The following ASAP1 variants were observed in gnomAD, a reference collection of about 807,000 sequenced individuals.
ASAP1 encodes ArfGAP with SH3 domain, ankyrin repeat and PH domain 1.
ASAP1 carries 43 observed loss-of-function variants against 145.2 expected under a neutral mutation model. The observed-to-expected ratio is 0.30, with a 90% CI of 0.23 to 0.38. ASAP1 has a LOEUF of 0.38. Among genes scored for constraint, ASAP1 ranks in the 10% least tolerant of loss-of-function variants. The pLI is 1.00. For missense variants in ASAP1, 1,018 were observed against 1,355.3 expected, an observed-to-expected ratio of 0.75 and a Z score of 3.91; for synonymous variants, 546 against 515.5, an observed-to-expected ratio of 1.06 and a Z score of -0.80.
intron 13 of ASAP1, among the ~76,000 whole-genome samples, chr8:130,138,753 T>C (rs1347179244): frequency 6.6e-6 from 1 of 150,862 alleles, no homozygotes; most frequent in Non-Finnish European, 1.5e-5. Flanking sequence ...GGAGAATCGC[T>C]TGAACTTGGG....
chr8:130,327,329 T>C (rs2137741609), intron 3 of ASAP1, among the ~76,000 whole-genome samples: 1 of 152,324 alleles, frequency 6.6e-6, no homozygotes, highest in African/African-American at 2.4e-5. Context: ...AAGCTGCTGC[T>C]GTTATTCCCT....
chr8:130,130,151 G>C (rs1291262205), intron 15 of ASAP1, among the ~76,000 whole-genome samples: 1 of 152,116 alleles, frequency 6.6e-6, no homozygotes, highest in African/African-American at 2.4e-5. Flanking sequence ...CCCCAAATTT[G>C]AAATCCAAAA....
chr8:130,277,057 A>G (rs957919857), intron 3 of ASAP1, among the ~76,000 whole-genome samples: 114 of 152,154 alleles, frequency 7.5e-4, no homozygotes, highest in African/African-American at 2.7e-3. Flanking sequence ...ACCCGTCCAC[A>G]TCAGAATCAC....
At chr8:130,315,787 C>T (rs1010227275) in intron 3 of ASAP1, among the ~76,000 whole-genome samples, 2 of 152,194 alleles carry the variant, frequency 1.3e-5, no homozygotes, top group Non-Finnish European at 2.9e-5. Flanking sequence ...AAAAAAGCAA[C>T]ACTGAGCACC....
intron 3 of ASAP1, among the ~76,000 whole-genome samples, chr8:130,282,428 ACAAAT>A (rs1423072453): frequency 6.6e-6 from 1 of 152,366 alleles, no homozygotes; most frequent in East Asian, 1.9e-4. Flanking sequence ...ATTGGTAAAA[ACAAAT>A]CAAAATATTT....
At chr8:130,230,097 C>T (rs374123247) in intron 4 of ASAP1, among the ~76,000 whole-genome samples, 1 of 150,832 alleles carries the variant, frequency 6.6e-6, no homozygotes, top group Non-Finnish European at 1.5e-5. Flanking sequence ...AACAAACAAA[C>T]AAACAAACAC....
chr8:130,098,856 A>G (rs1200979511), intron 24 of ASAP1, among the ~76,000 whole-genome samples: 2 of 152,116 alleles, frequency 1.3e-5, no homozygotes, highest in African/African-American at 4.8e-5. Context: ...CAGTCACTCT[A>G]CAGTGTTACA....
At chr8:130,410,009 T>C (rs542801148) in intron 1 of ASAP1, among the ~76,000 whole-genome samples, 69 of 152,296 alleles carry the variant, frequency 4.5e-4, no homozygotes, top group Non-Finnish European at 7.8e-4. Flanking sequence ...ATCATCTGGG[T>C]GTGAACACAA....
At chr8:130,110,257 A>G (rs1309705106) in intron 24 of ASAP1, among the ~76,000 whole-genome samples, 2 of 152,208 alleles carry the variant, frequency 1.3e-5, no homozygotes, top group African/African-American at 4.8e-5. Flanking sequence ...ATTTTCTCCT[A>G]TAAACCATTT....
intron 3 of ASAP1, among the ~76,000 whole-genome samples, chr8:130,291,229 TCA>T (rs1421393906): frequency 1.3e-5 from 2 of 152,186 alleles, no homozygotes; most frequent in Non-Finnish European, 2.9e-5. Context: ...TCGAAAAATC[TCA>T]GAGATAAAAC....
chr8:130,085,243 C>G (rs1339731556), intron 25 of ASAP1, among the ~76,000 whole-genome samples: 2 of 152,200 alleles, frequency 1.3e-5, no homozygotes, highest in African/African-American at 4.8e-5. Context: ...TCTCTTTGCT[C>G]TTGCCTGTAA....
At chr8:130,272,045 G>T (rs969876346) in intron 3 of ASAP1, among the ~76,000 whole-genome samples, 1 of 152,066 alleles carries the variant, frequency 6.6e-6, no homozygotes, top group Admixed American at 6.6e-5. Flanking sequence ...GTAAGCTCCA[G>T]TCCCAAATAC....
At chr8:130,090,682 A>G (rs1405170039) in intron 25 of ASAP1, among the ~76,000 whole-genome samples, 2 of 152,200 alleles carry the variant, frequency 1.3e-5, no homozygotes, top group African/African-American at 4.8e-5. Flanking sequence ...GTCCTGCATT[A>G]GACCATGAAC....
intron 1 of ASAP1, among the ~76,000 whole-genome samples, chr8:130,414,759 CTT>C (rs548202897): frequency 4.6e-4 from 64 of 140,258 alleles, no homozygotes; most frequent in Non-Finnish European, 3.8e-4. Context: ...TTCTATAACT[CTT>C]TTTTTTTTTT....
intron 5 of ASAP1, chr8:130,195,026 C>A (rs1339704527): frequency 6.6e-6 from 1 of 152,128 alleles, no homozygotes; most frequent in Non-Finnish European, 1.5e-5. Flanking sequence ...TTTAAAAAAG[C>A]TTTTCAAATC....
chr8:130,247,586 C>T (rs947577984), intron 3 of ASAP1, among the ~76,000 whole-genome samples: 19 of 151,962 alleles, frequency 1.3e-4, no homozygotes, highest in African/African-American at 4.6e-4. Context: ...TTTCAAAGAC[C>T]TTTTTCTTCC....
At chr8:130,139,526 G>A (rs1447662470) in intron 13 of ASAP1, among the ~76,000 whole-genome samples, 1 of 152,168 alleles carries the variant, frequency 6.6e-6, no homozygotes, top group Admixed American at 6.5e-5. Context: ...TGGGGTTCAA[G>A]ACCAGCCTGG....
chr8:130,422,950 G>A (rs1829779519), intron 1 of ASAP1, among the ~76,000 whole-genome samples: 1 of 152,218 alleles, frequency 6.6e-6, no homozygotes, highest in South Asian at 2.1e-4. Flanking sequence ...TTAAAGAATA[G>A]GAAATTGAGG....
intron 13 of ASAP1, among the ~76,000 whole-genome samples, chr8:130,146,669 C>T (rs2097631511): frequency 6.6e-6 from 1 of 152,144 alleles, no homozygotes; most frequent in Non-Finnish European, 1.5e-5. Context: ...CCTGTATGTG[C>T]TTTCAGTGCT....
Sources: allele counts gnomAD v4.1 joint callset (sites outside exome capture counted in the v4.1 genomes callset), GRCh38; gene constraint gnomAD v4.1.1; transcripts MANE v1.5; gene names NCBI Gene and HGNC (gene_info 2026-07-23, HGNC 2026-07-21).